The following DAG1 variants were observed in gnomAD, a reference collection of about 807,000 sequenced individuals.
DAG1 encodes the protein dystroglycan 1 (dystrophin-associated glycoprotein 1).
A neutral mutation model predicts 46.1 loss-of-function variants in DAG1; 8 were observed. The observed-to-expected ratio is 0.17, with a 90% confidence interval of 0.10 to 0.31. DAG1 has a LOEUF of 0.31. DAG1 is among the 10% of genes least tolerant of loss of function. The pLI, the probability that DAG1 is intolerant of heterozygous loss-of-function variation, is 1.00. For missense variants in DAG1, 1,003 were observed against 1,189.9 expected (o/e 0.84, Z 2.31); for synonymous variants, 495 against 481.8 (o/e 1.03, Z -0.36).
intron 1 of DAG1, among the ~76,000 whole-genome samples, chr3:49,491,500 C>T (rs1399934150): frequency 2.7e-5 from 4 of 150,678 alleles, no homozygotes; most frequent in African/African-American, 4.9e-5. Context: ...TTTTTTGAGA[C>T]GGAGTCTTGC....
chr3:49,512,960 T>C (rs1205981577), intron 2 of DAG1, among the ~76,000 whole-genome samples: 2 of 152,146 alleles, frequency 1.3e-5, no homozygotes, highest in Non-Finnish European at 1.5e-5. Context: ...ACCTATACTT[T>C]GTTAGGTATT....
chr3:49,471,220 G>A (rs562861388), intron 1 of DAG1, among the ~76,000 whole-genome samples: 4 of 152,290 alleles, frequency 2.6e-5, no homozygotes, highest in African/African-American at 9.6e-5. Flanking sequence ...ATAGCGCAGA[G>A]TCTAACTTAA....
intron 1 of DAG1, among the ~76,000 whole-genome samples, chr3:49,504,751 C>G (rs1295041927): frequency 1.4e-5 from 2 of 144,386 alleles, no homozygotes; most frequent in Admixed American, 7.1e-5. Flanking sequence ...CCCGCTACCA[C>G]GCCCAGCTAA....
At chr3:49,511,015 G>T (rs1445156584) in intron 2 of DAG1, 196 bp downstream of exon 2, 1 of 970,370 alleles carries the variant, frequency 1.0e-6, no homozygotes, top group Non-Finnish European at 1.2e-6. Context: ...CTGTATTCTT[G>T]TTCCTATTCT....
chr3:49,503,566 G>T (rs147640373), intron 1 of DAG1, among the ~76,000 whole-genome samples: 1 of 152,040 alleles, frequency 6.6e-6, no homozygotes, highest in Non-Finnish European at 1.5e-5. Flanking sequence ...GCCTGGTGGC[G>T]CATGCTTGTA....
intron 1 of DAG1, among the ~76,000 whole-genome samples, chr3:49,505,424 CTAAG>C (rs1326245682): frequency 6.6e-6 from 1 of 152,028 alleles, no homozygotes; most frequent in African/African-American, 2.4e-5. Flanking sequence ...AGATTTGCAC[CTAAG>C]TAATTTTTTT....
chr3:49,512,242 G>A (rs1007392093), intron 2 of DAG1, among the ~76,000 whole-genome samples: 4 of 151,982 alleles, frequency 2.6e-5, no homozygotes, highest in South Asian at 2.1e-4. Flanking sequence ...CGCTCTTGTC[G>A]CCCAGGCTGG....
chr3:49,532,048 T>A lies in DAG1; in HGVS notation c.1537T>A (p.Tyr513Asn), dbSNP rs1049549239. Residue 513 changes from tyrosine to asparagine, a missense_variant, in exon 3 of 3, where the codon TAC (tyrosine) becomes AAC (asparagine). By Grantham distance (143) the Tyr-to-Asn change is moderately radical (BLOSUM62 -2). This residue lies in a region of DAG1 where 755 missense variants were observed against 854.1 expected (regional missense o/e 0.88). Coordinates refer to ENST00000308775, the MANE Select transcript of DAG1 (RefSeq NM_004393.6). This position sits in a 1 kb window ranked among gnomAD's most constrained non-coding sequence, Gnocchi z 5.4. ...IDRVDAWVGT[Y>N]FEVKIPSDTF... The stretch of plus-strand genomic sequence containing the variant: ...CAGGGTAGATGCCTGGGTTGGCACC[T>A]ACTTTGAGGTGAAGATCCCGTCAGA... 6.2e-7 allele frequency: 1 copy of A among 1,614,210 alleles called. No homozygotes were observed. The highest frequency in any genetic ancestry group is 8.5e-7 in the Non-Finnish European group (1 of 1,180,030).
intron 1 of DAG1, among the ~76,000 whole-genome samples, chr3:49,509,737 GT>G (rs11405695): frequency 3.3e-5 from 5 of 150,916 alleles, no homozygotes; most frequent in African/African-American, 9.8e-5. Context: ...ATATTTTATT[GT>G]TTTTTTTTGA....
At position 49,531,360 on chromosome 3, in the gene DAG1, G is replaced by A; in HGVS notation, c.849G>A (p.Glu283=). The change falls in exon 3 of 3, where the codon GAG becomes GAA. Residue 283 remains glutamate (E), a synonymous_variant. Transcript: ENST00000308775. This position sits in a 1 kb window ranked among gnomAD's most constrained non-coding sequence, Gnocchi z 7.0. Reference sequence around the variant, plus strand: ...ATGGTGTAGAGGCCCCTGCCAGGGAGGGCGCAATGTCTGCTCAGCTTGGCT... The same window carrying A: ...ATGGTGTAGAGGCCCCTGCCAGGGAAGGCGCAATGTCTGCTCAGCTTGGCT... ...DIHGVEAPAR[E]GAMSAQLGYP... is the part of the protein sequence containing the mutation. 2 of 1,614,136 alleles carry A rather than the reference G, an allele frequency of 1.2e-6. No individual in the cohort carries two copies. Among genetic ancestry groups the A allele is most frequent in the Non-Finnish European group, 1.7e-6 (2 of 1,180,016 alleles).
intron 2 of DAG1, among the ~76,000 whole-genome samples, chr3:49,525,954 G>A (rs1203324098): frequency 6.7e-6 from 1 of 149,046 alleles, no homozygotes; most frequent in Non-Finnish European, 1.5e-5. Context: ...GGGTTCAAGC[G>A]ACTCTCCTGC....
chr3:49,518,461 A>G (rs1039243702), intron 2 of DAG1, among the ~76,000 whole-genome samples: 8 of 152,206 alleles, frequency 5.3e-5, no homozygotes, highest in African/African-American at 2.4e-5. Flanking sequence ...GCCTGGTGTC[A>G]GTCTGTTGAT....
At chr3:49,520,654 CTTAAGGGCTGACA>C (rs1418360188) in intron 2 of DAG1, among the ~76,000 whole-genome samples, 1 of 152,206 alleles carries the variant, frequency 6.6e-6, no homozygotes, top group African/African-American at 2.4e-5. Flanking sequence ...CAGCCCACAC[CTTAAGGGCTGACA>C]TGTCCAGAGG....
In DAG1 at chr3:49,531,458, C is replaced by G. The variant is rs1477644260; in HGVS notation, c.947C>G (p.Ala316Gly). Residue 316 changes from alanine (A) to glycine (G), a missense_variant, in exon 3 of 3, where the codon GCT becomes GGT. Physicochemically the swap from Ala to Gly is moderately conservative, Grantham distance 60 (BLOSUM62 0). Around this residue, in one of 3 missense-constraint regions of DAG1, gnomAD observed 755 missense variants for 854.1 expected, o/e 0.88. Transcript: ENST00000308775. The surrounding 1 kb of genome is among the most constrained non-coding windows in gnomAD (Gnocchi z 7.0). ...AAACGCGTCCGGAGGCAGATCCATGCTACACCCACACCTGTCACTGCCATT... is the reference window on the plus strand; with the variant it reads ...AAACGCGTCCGGAGGCAGATCCATGGTACACCCACACCTGTCACTGCCATT... ...LPKRVRRQIHATPTPVTAIGP... is the reference protein window; with the variant it reads ...LPKRVRRQIHGTPTPVTAIGP... 1.9e-6 allele frequency: 3 copies of G among 1,613,896 alleles called. No individual in the cohort carries two copies. Among genetic ancestry groups the G allele is most frequent in the Non-Finnish European group, 2.5e-6 (3 of 1,180,014 alleles).
intron 1 of DAG1, among the ~76,000 whole-genome samples, chr3:49,492,494 AAATTAGCC>A: frequency 6.6e-6 from 1 of 151,972 alleles, no homozygotes; most frequent in East Asian, 1.9e-4. Flanking sequence ...AAAAGATAAA[AAATTAGCC>A]AAGTGTGGTG....
intron 1 of DAG1, among the ~76,000 whole-genome samples, chr3:49,502,499 C>T (rs1033641409): frequency 6.6e-6 from 1 of 152,126 alleles, no homozygotes; most frequent in Admixed American, 6.5e-5. Context: ...CTGTGAGCCA[C>T]CTGGTCCCAT....
chr3:49,517,798 G>A (rs1236883557), intron 2 of DAG1, among the ~76,000 whole-genome samples: 5 of 152,204 alleles, frequency 3.3e-5, no homozygotes, highest in Non-Finnish European at 5.9e-5. Flanking sequence ...GACCTGTTTC[G>A]AAGTAGATGC....
At chr3:49,509,006 T>G (rs1216949809) in intron 1 of DAG1, among the ~76,000 whole-genome samples, 2 of 152,228 alleles carry the variant, frequency 1.3e-5, no homozygotes, top group Non-Finnish European at 2.9e-5. Context: ...GATGATTCCC[T>G]ATAGAGTCTT....
At chr3:49,472,635 C>T (rs1352382219) in intron 1 of DAG1, among the ~76,000 whole-genome samples, 2 of 151,412 alleles carry the variant, frequency 1.3e-5, no homozygotes, top group Non-Finnish European at 3.0e-5. Flanking sequence ...GTGAAACCCC[C>T]TCTCTACTAA....
Sources: allele counts gnomAD v4.1 joint callset (sites outside exome capture counted in the v4.1 genomes callset), GRCh38; gene constraint gnomAD v4.1.1; regional missense constraint gnomAD v4.1.1; non-coding constraint Gnocchi (gnomAD v3.1); transcripts MANE v1.5; gene names NCBI Gene and HGNC (gene_info 2026-07-23, HGNC 2026-07-21).